Variants in MYOM3 observed in about 807,000 individuals in gnomAD.
MYOM3 encodes the protein myomesin-3.
In MYOM3, 155 loss-of-function variants were observed where a neutral mutation model predicts 191.7. The observed-to-expected ratio is 0.81, with a 90% CI of 0.71 to 0.92. The LOEUF (loss-of-function observed/expected upper bound fraction) is 0.92. Ranked by LOEUF, MYOM3 falls within the 40% of genes least tolerant of loss-of-function variation. The pLI, the probability that MYOM3 is intolerant of heterozygous loss-of-function variation, is 0.00. For synonymous variants in MYOM3, 757 were observed against 762.9 expected, an observed-to-expected ratio of 0.99 and a Z score of 0.13; for missense variants, 1,889 against 1,890.6, an observed-to-expected ratio of 1.00 and a Z score of 0.02.
chr1:24,077,528 T>G (rs1343719971), intron 20 of MYOM3, among the ~76,000 whole-genome samples: 1 of 152,206 alleles, frequency 6.6e-6, no homozygotes, highest in Non-Finnish European at 1.5e-5. Flanking sequence ...CAGTGTAGCC[T>G]GTGCTTCATC....
Position 24,090,085 on chromosome 1 carries a change from A to C in MYOM3, c.1466T>G (p.Ile489Ser). The change falls in exon 13 of 37, where the codon ATC (isoleucine) becomes AGC (serine). Residue 489 changes from isoleucine to serine, a missense_variant. Ile to Ser is a moderately radical substitution (Grantham distance 142). Coordinates refer to ENST00000374434, the MANE Select transcript of MYOM3 (RefSeq NM_152372.4). ...CGTACCTTCAAAAGCGTCTGTGCTG[A>C]TGGTGATCTTGTTTCCCAGATCAAA... Reference protein sequence around the residue: ...IPFDLGNKITISTDAFEDTVT... With the variant: ...IPFDLGNKITSSTDAFEDTVT... 6.2e-7 allele frequency: 1 copy of C among 1,614,024 alleles called. No individual in the cohort carries two copies. Among genetic ancestry groups the C allele is most frequent in the South Asian group, 1.1e-5 (1 of 91,072 alleles).
chr1:24,093,922 C>G (rs1212689730), intron 9 of MYOM3, among the ~76,000 whole-genome samples: 1 of 152,096 alleles, frequency 6.6e-6, no homozygotes, highest in African/African-American at 2.4e-5. Flanking sequence ...GGTAGGAGGT[C>G]CAGCCGTCGT....
Position 24,082,525 on chromosome 1 carries a change from G to T in MYOM3, c.2092+68C>A, listed in dbSNP as rs563626720. On this transcript the variant is annotated intron_variant, in intron 17 of 36. Coordinates refer to ENST00000374434, the MANE Select transcript of MYOM3 (RefSeq NM_152372.4). ...ACCAGGACTGGGCCCTCCAAGATGT[G>T]ATCTATGAGCCCCAGCTCCCTGCCC... The T allele has an allele frequency of 1.5e-5, 22 of 1,496,214 alleles. No homozygotes were observed. The African/African-American group carries it at 2.8e-4, about 19-fold the overall frequency. 92.7% of individuals were successfully genotyped at this position (1,496,214 alleles called of 1,614,324 possible).
At chr1:24,105,255 C>T (rs950766404) in intron 5 of MYOM3, among the ~76,000 whole-genome samples, 2 of 152,250 alleles carry the variant, frequency 1.3e-5, no homozygotes, top group African/African-American at 4.8e-5. Flanking sequence ...TCAATCCACT[C>T]TTCAGAACAG....
At chr1:24,061,151 G>A (rs773764958) in intron 34 of MYOM3, 69 bp from the exon 35 acceptor site, 25 of 1,607,998 alleles carry the variant, frequency 1.6e-5, no homozygotes, top group Middle Eastern at 3.3e-4. Flanking sequence ...CCAGGTGGAG[G>A]TGAGGGGTGA....
intron 26 of MYOM3, 56 bp from the exon 27 acceptor site, chr1:24,068,085 G>A: frequency 6.3e-7 from 1 of 1,599,874 alleles, no homozygotes; most frequent in South Asian, 1.1e-5. Flanking sequence ...GGTCTGGAGA[G>A]GGGACATGGG....
At chr1:24,081,615 T>C (rs1409376106) in intron 18 of MYOM3, 159 bp from the exon 19 acceptor site, 1 of 824,718 alleles carries the variant, frequency 1.2e-6, no homozygotes, top group African/African-American at 1.7e-5. Context: ...CAGGCTGGAG[T>C]GCAGTGGCAT....
chr1:24,061,492 G>A (rs1367207016), intron 33 of MYOM3, among the ~76,000 whole-genome samples, 183 bp from the exon 34 acceptor site: 1 of 151,852 alleles, frequency 6.6e-6, no homozygotes, highest in Non-Finnish European at 1.5e-5. Flanking sequence ...GAAGACCATG[G>A]GATTTTCTTT....
chr1:24,071,985 A>G lies in MYOM3; in HGVS notation c.2997T>C (p.His999=). ...EELEKLKKLS[H]EIRNPVIKLI... is the part of the protein sequence containing the mutation. ...CTTGCTTACCTGGGTTTCTGATCTC[A>G]TGACTCAGCTTCTTCAGCTTCTCCA... The change falls in exon 24 of 37, where the codon CAT becomes CAC. Residue 999 remains histidine (H), a synonymous_variant. Coordinates refer to ENST00000374434, the MANE Select transcript of MYOM3 (RefSeq NM_152372.4). The G allele has an allele frequency of 6.2e-7, 1 of 1,613,752 alleles. No homozygotes were observed. The highest frequency in any genetic ancestry group is 8.5e-7 in the Non-Finnish European group (1 of 1,179,704).
In MYOM3 at chr1:24,065,921, C is replaced by T. The variant is rs754635947; in HGVS notation, c.3504G>A (p.Glu1168=). Residue 1168 remains glutamate (E), a synonymous_variant, in exon 29 of 37, where the codon GAG becomes GAA. Transcript: ENST00000374434. ...CAATGCAGAGAAGTCCCGTTCCCGT[C>T]TCTGGGTCATACTGACCATCTGGCA... ...AEMPDGQYDP[E]TGTGLLCIEE... is the part of the protein sequence containing the mutation. 6.2e-7 allele frequency: 1 copy of T among 1,613,914 alleles called. No homozygotes were observed. Among genetic ancestry groups the T allele is most frequent in the South Asian group, 1.1e-5 (1 of 91,078 alleles).
At chr1:24,082,273 C>T in intron 17 of MYOM3, 85 bp from the exon 18 acceptor site, 1 of 1,287,636 alleles carries the variant, frequency 7.8e-7, no homozygotes, top group Non-Finnish European at 1.1e-6. Context: ...TGACGAGCCT[C>T]CTCTAGTTGG....
chr1:24,080,253 G>C, intron 19 of MYOM3, 59 bp from the exon 20 acceptor site: 1 of 1,402,696 alleles, frequency 7.1e-7, no homozygotes, highest in Non-Finnish European at 9.9e-7. Flanking sequence ...CAGCCAGCCA[G>C]GTAAGCAGCA....
At chr1:24,071,508 A>G (rs374455346) in intron 24 of MYOM3, among the ~76,000 whole-genome samples, 1 of 152,194 alleles carries the variant, frequency 6.6e-6, no homozygotes, top group Non-Finnish European at 1.5e-5. Context: ...ATTGGATCCC[A>G]GACGACTTTC....
chr1:24,073,200 T>A (rs1051472010), intron 23 of MYOM3, among the ~76,000 whole-genome samples: 25 of 152,126 alleles, frequency 1.6e-4, no homozygotes, highest in African/African-American at 5.8e-4. Context: ...TTGTCCAAAA[T>A]CAGCCAGCAA....
At position 24,075,467 on chromosome 1, in the gene MYOM3, CAT is replaced by C. The variant is rs760497491; in HGVS notation, c.2708_2709del (p.His903ArgfsTer8). The C allele has an allele frequency of 6.4e-7, 1 of 1,572,084 alleles. No homozygotes were observed. The highest frequency in any genetic ancestry group is 8.6e-7 in the Non-Finnish European group (1 of 1,162,208). ...PVLLEDKPGAHEIEVGVDEEG... is the reference protein window; with the variant it reads ...PVLLEDKPGAXEIEVGVDEEG... ...TCTTCATCCACACCAACCTCGATCT[CAT>C]GGGCACCTGAGGGCGAGATCCAACA... is the stretch of plus-strand genomic sequence containing the variant. On this transcript the variant is annotated frameshift_variant, in exon 22 of 37. Coordinates refer to ENST00000374434, the MANE Select transcript of MYOM3 (RefSeq NM_152372.4). LOFTEE classifies it high-confidence loss of function.
intron 25 of MYOM3, 113 bp downstream of exon 25, chr1:24,071,004 C>T: frequency 7.5e-7 from 1 of 1,331,326 alleles, no homozygotes; most frequent in Non-Finnish European, 1.0e-6. Flanking sequence ...AGCACACCGT[C>T]ATTTCTGAAA....
chr1:24,081,183 G>T (rs1570868611), intron 19 of MYOM3, 147 bp downstream of exon 19: 1 of 992,258 alleles, frequency 1.0e-6, no homozygotes, highest in Non-Finnish European at 1.5e-6. Flanking sequence ...TTATAGAGTG[G>T]GTTTGTGCAA....
chr1:24,106,092 A>T lies in MYOM3; in HGVS notation c.403-15T>A. The T allele has an allele frequency of 6.2e-7, 1 of 1,602,626 alleles. No individual in the cohort carries two copies. Among genetic ancestry groups the T allele is most frequent in the South Asian group, 1.1e-5 (1 of 89,854 alleles). On this transcript the variant is annotated splice_polypyrimidine_tract_variant and intron_variant, in intron 4 of 36. Coordinates refer to ENST00000374434, the MANE Select transcript of MYOM3 (RefSeq NM_152372.4). ...TTCTCCTCTGTCTGGAGGCGGGAAG[A>T]GGTGTATGACGCTGTGAGCCAGGGA...
intron 11 of MYOM3, among the ~76,000 whole-genome samples, chr1:24,091,482 G>A (rs1643828230): frequency 6.6e-6 from 1 of 152,200 alleles, no homozygotes; most frequent in Admixed American, 6.5e-5. Context: ...CAGTACGACA[G>A]TGCACGTTAC....
Sources: gnomAD v4.1 joint callset for allele counts (sites outside exome capture counted in the v4.1 genomes callset) on GRCh38, gnomAD v4.1.1 for gene constraint, MANE v1.5 for transcripts, NCBI Gene and HGNC (gene_info 2026-07-23, HGNC 2026-07-21) for gene names.